Variants in PARP8 observed in about 807,000 individuals in gnomAD.
PARP8 encodes poly(ADP-ribose) polymerase family member 8, also known as protein mono-ADP-ribosyltransferase PARP8.
Under a neutral mutation model 124.1 loss-of-function variants are expected in PARP8, and 51 were observed. The ratio of observed to expected loss-of-function variants is 0.41; its 90% confidence interval spans 0.33 to 0.52. The LOEUF (loss-of-function observed/expected upper bound fraction) is 0.52, where lower values mean the gene tolerates loss of function less well. PARP8 is among the 20% of genes least tolerant of loss of function. The pLI, the probability that PARP8 is intolerant of heterozygous loss-of-function variation, is 0.21. For missense variants in PARP8, 860 were observed against 1,018.9 expected (o/e 0.84, Z 2.12); for synonymous variants, 391 against 361.5 (o/e 1.08, Z -0.93).
intron 3 of PARP8, among the ~76,000 whole-genome samples, chr5:50,752,150 T>C (rs1399811439): frequency 6.6e-6 from 1 of 152,128 alleles, no homozygotes; most frequent in Non-Finnish European, 1.5e-5. Flanking sequence ...TAAATCTTTA[T>C]CAAACTATTG....
At chr5:50,683,137 G>A (rs918700776) in intron 2 of PARP8, among the ~76,000 whole-genome samples, 1 of 152,106 alleles carries the variant, frequency 6.6e-6, no homozygotes. Context: ...TGCAGCAGGG[G>A]CTCTAATTGG....
intron 2 of PARP8, among the ~76,000 whole-genome samples, chr5:50,715,835 A>G (rs913931425): frequency 1.1e-4 from 17 of 151,976 alleles, no homozygotes; most frequent in Non-Finnish European, 1.9e-4. Context: ...CCTTCTTTTC[A>G]GTCTCAAGAA....
At chr5:50,698,015 T>C (rs1753211511) in intron 2 of PARP8, among the ~76,000 whole-genome samples, 1 of 152,180 alleles carries the variant, frequency 6.6e-6, no homozygotes, top group African/African-American at 2.4e-5. Flanking sequence ...TCTCTCTCCT[T>C]GTGATTAGGT....
intron 7 of PARP8, among the ~76,000 whole-genome samples, chr5:50,771,216 A>G (rs1240612841): frequency 1.3e-5 from 2 of 151,858 alleles, no homozygotes; most frequent in East Asian, 1.9e-4. Flanking sequence ...CTGGAGTGCA[A>G]TGGCACGATC....
intron 2 of PARP8, among the ~76,000 whole-genome samples, chr5:50,710,176 G>A (rs1200160959): frequency 6.6e-5 from 10 of 151,640 alleles, no homozygotes; most frequent in Admixed American, 5.9e-4. Flanking sequence ...TGCTCCTGAT[G>A]TATTTTCTCA....
At chr5:50,757,126 G>A (rs1760051592) in intron 3 of PARP8, 1 of 454,926 alleles carries the variant, frequency 2.2e-6, no homozygotes, top group Non-Finnish European at 4.4e-6. Context: ...TAGCTATTGT[G>A]AATACTGCCA....
At chr5:50,788,126 C>T (rs1436137952) in intron 9 of PARP8, among the ~76,000 whole-genome samples, 10 of 146,772 alleles carry the variant, frequency 6.8e-5, no homozygotes, top group African/African-American at 1.0e-4. Flanking sequence ...GCCAGTTCAG[C>T]TGTTGCTTAC....
chr5:50,787,638 G>T (rs1483956929), intron 9 of PARP8, among the ~76,000 whole-genome samples: 1 of 151,908 alleles, frequency 6.6e-6, no homozygotes, highest in African/African-American at 2.4e-5. Flanking sequence ...TCGTGGGTGT[G>T]TTTTTACTCT....
chr5:50,828,855 T>C (rs1330587822), intron 21 of PARP8, among the ~76,000 whole-genome samples: 2 of 151,878 alleles, frequency 1.3e-5, no homozygotes, highest in Non-Finnish European at 2.9e-5. Flanking sequence ...CACACCACTG[T>C]ACCTCAGCCT....
At chr5:50,766,168 G>A (rs769786725) in intron 7 of PARP8, among the ~76,000 whole-genome samples, 20 of 152,170 alleles carry the variant, frequency 1.3e-4, no homozygotes, top group Non-Finnish European at 2.8e-4. Context: ...ACTTAAGTAG[G>A]TAATGACAAT....
intron 21 of PARP8, among the ~76,000 whole-genome samples, chr5:50,828,621 T>A (rs1466723209): frequency 6.6e-6 from 1 of 152,106 alleles, no homozygotes; most frequent in Non-Finnish European, 1.5e-5. Flanking sequence ...GGCTCACACC[T>A]GTAACCCCAG....
rs930415566 is a variant in PARP8, at chr5:50,835,139, T to C, written c.2462+124T>C. 1.0e-5 allele frequency: 7 copies of C among 695,228 alleles called. No homozygotes were observed. The African/African-American group carries it at 1.1e-4, about 11-fold the overall frequency. 43.1% of individuals were successfully genotyped at this position (695,228 alleles called of 1,614,324 possible). ...ACAGGTAATTGAGTTTAACATCAAC[T>C]AATGTTTTTGTTTTATTTTCAGTAA... On this transcript the variant is annotated intron_variant, in intron 25 of 25. Coordinates refer to ENST00000281631, the MANE Select transcript of PARP8 (RefSeq NM_024615.4).
chr5:50,797,415 A>G (rs1282177347), intron 14 of PARP8, among the ~76,000 whole-genome samples, 182 bp downstream of exon 14: 1 of 152,244 alleles, frequency 6.6e-6, no homozygotes, highest in East Asian at 1.9e-4. Flanking sequence ...AAGAGCAGTT[A>G]GTTTGATATT....
At chr5:50,721,349 T>A (rs180704004) in intron 2 of PARP8, among the ~76,000 whole-genome samples, 262 of 152,250 alleles carry the variant, frequency 1.7e-3, no homozygotes, top group African/African-American at 5.9e-3. Context: ...GAGTTTGTAA[T>A]GCTACCATAT....
At chr5:50,755,560 A>G (rs1759837463) in intron 3 of PARP8, among the ~76,000 whole-genome samples, 1 of 152,184 alleles carries the variant, frequency 6.6e-6, no homozygotes, top group South Asian at 2.1e-4. Context: ...TGGTACCAGT[A>G]CCATACTGTT....
chr5:50,846,188 G>A lies in PARP8; in HGVS notation c.*4120G>A, dbSNP rs1361598083. On this transcript the variant is annotated 3_prime_UTR_variant, in exon 26 of 26. Transcript: ENST00000281631. ...TGTATCATTTGAGATTTTTAAAAAT[G>A]CATCCGCTCCATTATGTAAACATTA... The A allele has an allele frequency of 6.6e-6, 1 of 151,664 alleles. No homozygotes were observed. Among genetic ancestry groups the A allele is most frequent in the South Asian group, 2.1e-4 (1 of 4,828 alleles). The allele number at this position is 151,664 out of a possible 1,614,324, so 9.4% of individuals were successfully genotyped here.
chr5:50,814,840 G>A (rs1034443974), intron 14 of PARP8, among the ~76,000 whole-genome samples: 4 of 152,156 alleles, frequency 2.6e-5, no homozygotes, highest in African/African-American at 9.7e-5. Context: ...AAAGATGAGA[G>A]CTCTTCCAAA....
chr5:50,831,947 A>G (rs1168927824), intron 22 of PARP8, among the ~76,000 whole-genome samples: 2 of 152,170 alleles, frequency 1.3e-5, no homozygotes, highest in Admixed American at 1.3e-4. Flanking sequence ...AGAACAGGAC[A>G]GCTTCTCTGC....
chr5:50,819,424 C>CTTATTTT (rs1745488801), intron 15 of PARP8, among the ~76,000 whole-genome samples: 1 of 77,618 alleles, frequency 1.3e-5, no homozygotes, highest in African/African-American at 5.5e-5. Flanking sequence ...GCTATTTTAT[C>CTTATTTT]TTCTTTTTTT....
Sources: gnomAD v4.1 joint callset for allele counts (sites outside exome capture counted in the v4.1 genomes callset) on GRCh38, gnomAD v4.1.1 for gene constraint, MANE v1.5 for transcripts, NCBI Gene and HGNC (gene_info 2026-07-23, HGNC 2026-07-21) for gene names.